Variants in GAS7 observed in about 807,000 individuals in gnomAD.
The protein encoded by GAS7 is growth arrest specific 7, also known as growth arrest-specific protein 7.
Under a neutral mutation model 71.1 loss-of-function variants are expected in GAS7, and 28 were observed. The ratio of observed to expected loss-of-function variants is 0.39; its 90% CI spans 0.29 to 0.54. The LOEUF (loss-of-function observed/expected upper bound fraction) is 0.54, where lower values mean the gene tolerates loss of function less well. GAS7 is among the 20% of genes least tolerant of loss of function. The pLI is 0.62. For synonymous variants in GAS7, 258 were observed against 245.8 expected (o/e 1.05, Z -0.46); for missense variants, 436 against 627.8 (o/e 0.69, Z 3.27).
intron 1 of GAS7, among the ~76,000 whole-genome samples, chr17:10,062,886 C>T (rs369684756): frequency 2.0e-5 from 3 of 152,236 alleles, no homozygotes; most frequent in African/African-American, 7.2e-5. Flanking sequence ...CCCCCAGGAT[C>T]CTGTGGGTAG....
chr17:9,942,168 C>T (rs1441319081), intron 7 of GAS7, among the ~76,000 whole-genome samples: 6 of 151,722 alleles, frequency 4.0e-5, no homozygotes, highest in Middle Eastern at 3.2e-3. Flanking sequence ...ACAGGAGAAT[C>T]GCTTGAACCC....
chr17:9,998,404 G>A (rs570770345), intron 2 of GAS7, among the ~76,000 whole-genome samples: 2 of 152,338 alleles, frequency 1.3e-5, no homozygotes, highest in East Asian at 1.9e-4. Context: ...ACTTGGGGTG[G>A]TCCTCTTCCA....
At position 10,118,763 on chromosome 17, in the gene GAS7, G is replaced by T. The variant is rs997872790; in HGVS notation, c.183+79445C>A. Among the ~76,000 whole-genome samples the T allele has an allele frequency of 3.1e-4, 47 of 150,752 alleles. 1 individual carries two copies. Among genetic ancestry groups the T allele is most frequent in the African/African-American group, 8.8e-4 (36 of 41,016 alleles). Reference sequence around the variant, plus strand: ...TCTCTGGGCTGTCTTAACTTATCAGGGGGGTGGTCCTACCCCCGGGGCCCA... The same window carrying T: ...TCTCTGGGCTGTCTTAACTTATCAGTGGGGTGGTCCTACCCCCGGGGCCCA... On this transcript the variant is annotated intron_variant, in intron 1 of 13. Transcript: ENST00000432992.
rs943943919 is a variant in GAS7 at position 10,014,054 on chromosome 17, A to C, written c.304+5723T>G. 2.6e-5 allele frequency among the ~76,000 whole-genome samples: 4 copies of C among 152,248 alleles called. No individual in the cohort carries two copies. In the East Asian group the frequency reaches 7.7e-4, roughly 29 times the overall value. On this transcript the variant is annotated intron_variant, in intron 2 of 13. Coordinates refer to ENST00000432992, the MANE Select transcript of GAS7 (RefSeq NM_201433.2). ...CTAGCTCAGAAGTCCTCTAAGTCAC[A>C]CCGTAGCCATCCAAATGCCAGCCAT...
chr17:10,077,100 A>G (rs898901283), intron 1 of GAS7, among the ~76,000 whole-genome samples: 2 of 152,188 alleles, frequency 1.3e-5, no homozygotes, highest in Admixed American at 1.3e-4. Context: ...ACATAAAACT[A>G]ATAAAATTTA....
intron 2 of GAS7, 120 bp downstream of exon 2, chr17:10,019,657 A>G: frequency 1.0e-6 from 1 of 976,718 alleles, no homozygotes; most frequent in South Asian, 1.6e-5. Context: ...GCCCCTGAGC[A>G]TAGACTTAAG....
chr17:10,004,870 T>C (rs1240799504), intron 2 of GAS7, among the ~76,000 whole-genome samples: 4 of 151,886 alleles, frequency 2.6e-5, no homozygotes, highest in Admixed American at 6.6e-5. Context: ...ATTAGCCAGG[T>C]GTGGTGGCGC....
At chr17:9,947,106 T>G in intron 5 of GAS7, 123 bp from the exon 6 acceptor site, 1 of 609,590 alleles carries the variant, frequency 1.6e-6, no homozygotes, top group Non-Finnish European at 2.9e-6. Context: ...CACAGGGATC[T>G]TCCCGTGCTC....
At chr17:10,178,651 A>G (rs2074390858) in intron 1 of GAS7, among the ~76,000 whole-genome samples, 1 of 145,028 alleles carries the variant, frequency 6.9e-6, no homozygotes, top group South Asian at 2.2e-4. Flanking sequence ...GGACAGGCAA[A>G]TCTTTGAAAG....
chr17:10,167,203 A>G (rs1597831406), intron 1 of GAS7, among the ~76,000 whole-genome samples: 3 of 151,526 alleles, frequency 2.0e-5, no homozygotes, highest in Admixed American at 2.0e-4. Flanking sequence ...GATTACAGGC[A>G]TGCACCACCA....
intron 11 of GAS7, among the ~76,000 whole-genome samples, chr17:9,921,571 G>A (rs1454986853): frequency 6.6e-6 from 1 of 152,208 alleles, no homozygotes; most frequent in Non-Finnish European, 1.5e-5. Flanking sequence ...CAGAGTAGGT[G>A]AAGGGGGCTG....
intron 1 of GAS7, among the ~76,000 whole-genome samples, chr17:10,160,939 TAC>T (rs61578754): frequency 0.037 from 5,212 of 139,470 alleles, 278 homozygotes; most frequent in East Asian, 0.3. Flanking sequence ...ATTGAAACCA[TAC>T]ACACACACAC....
rs1027055343 is a variant in GAS7 at position 9,926,527 on chromosome 17, C to T, written c.1014+114G>A. On this transcript the variant is annotated intron_variant, in intron 10 of 13. Coordinates refer to ENST00000432992, the MANE Select transcript of GAS7 (RefSeq NM_201433.2). This position sits in a 1 kb window ranked among gnomAD's most constrained non-coding sequence, Gnocchi z 5.0. The stretch of plus-strand genomic sequence containing the variant: ...GCTTGGACATCCCCCTATTCCCCTA[C>T]CTGGGGACAAAGACTCAGCCTTGGC... The T allele has an allele frequency of 2.3e-5, 26 of 1,145,524 alleles. No homozygotes were observed. Among genetic ancestry groups the T allele is most frequent in the Non-Finnish European group, 2.9e-5 (23 of 784,310 alleles). The allele number at this position is 1,145,524 out of a possible 1,614,324, so 71.0% of individuals were successfully genotyped here.
rs1489003029 is a variant in GAS7 at position 10,026,041 on chromosome 17, G to A, written c.184-6144C>T. The A allele has an allele frequency of 3.7e-5, 12 of 324,788 alleles. No homozygotes were observed. Among genetic ancestry groups the A allele is most frequent in the Admixed American group, 6.5e-5 (1 of 15,396 alleles). The allele number at this position is 324,788 out of a possible 1,614,324, so 20.1% of individuals were successfully genotyped here. ...CAGGCAGTACAGACCCTGCTACTCC[G>A]CTCCCTACCGCTCCCACCATGCTTC... On this transcript the variant is annotated intron_variant, in intron 1 of 13. Coordinates refer to ENST00000432992, the MANE Select transcript of GAS7 (RefSeq NM_201433.2). The surrounding 1 kb of genome is among the most constrained non-coding windows in gnomAD (Gnocchi z 4.5).
At chr17:9,973,379 G>A (rs1372755354) in intron 3 of GAS7, among the ~76,000 whole-genome samples, 3 of 151,254 alleles carry the variant, frequency 2.0e-5, no homozygotes, top group African/African-American at 4.9e-5. Context: ...TCAGCCTCCC[G>A]AGTAGCTGGG....
chr17:10,162,319 C>T (rs1013154978), intron 1 of GAS7, among the ~76,000 whole-genome samples: 12 of 152,284 alleles, frequency 7.9e-5, no homozygotes, highest in African/African-American at 2.6e-4. Context: ...AAACATCACA[C>T]TGAATCCTCT....
At chr17:10,148,008 A>G (rs887544761) in intron 1 of GAS7, among the ~76,000 whole-genome samples, 4 of 152,192 alleles carry the variant, frequency 2.6e-5, no homozygotes, top group Non-Finnish European at 2.9e-5. Flanking sequence ...GGAAATAGTA[A>G]CTGCTTGTTG....
chr17:10,186,496 T>C (rs1278990863), intron 1 of GAS7, among the ~76,000 whole-genome samples: 9 of 149,594 alleles, frequency 6.0e-5, no homozygotes, highest in Non-Finnish European at 4.4e-5. Flanking sequence ...CTCCACCTCC[T>C]GGGTTCAACG....
chr17:10,005,195 A>G (rs991787755), intron 2 of GAS7, among the ~76,000 whole-genome samples: 23 of 126,150 alleles, frequency 1.8e-4, no homozygotes, highest in Middle Eastern at 4.0e-3. Flanking sequence ...ATGTGCACGC[A>G]TGCATGTGTG....
Sources: gnomAD v4.1 joint callset for allele counts (sites outside exome capture counted in the v4.1 genomes callset) on GRCh38, gnomAD v4.1.1 for gene constraint, Gnocchi (gnomAD v3.1) non-coding constraint, MANE v1.5 for transcripts, NCBI Gene and HGNC (gene_info 2026-07-23, HGNC 2026-07-21) for gene names.